ATP7B: variants seen among roughly 807,000 people sequenced by gnomAD.
ATP7B encodes the protein copper-transporting ATPase 2.
Under a neutral mutation model 118.9 loss-of-function variants are expected in ATP7B, and 113 were observed. The observed-to-expected ratio is 0.95, with a 90% CI of 0.82 to 1.11. The LOEUF (loss-of-function observed/expected upper bound fraction) is 1.11. ATP7B is among the 50% of genes most tolerant of loss of function. ATP7B has a pLI of 0.00. For missense variants in ATP7B, 1,867 were observed against 1,871.4 expected (o/e 1.00, Z 0.04); for synonymous variants, 777 against 727.4 (o/e 1.07, Z -1.10).
intron 16 of ATP7B, among the ~76,000 whole-genome samples, chr13:51,940,004 T>A (rs1240953421): frequency 6.4e-5 from 2 of 31,394 alleles, no homozygotes; most frequent in Non-Finnish European, 1.5e-4. Flanking sequence ...TGCAGTCTTT[T>A]TTTTTTTTTT....
chr13:51,991,739 C>T (rs1253297356), intron 1 of ATP7B, among the ~76,000 whole-genome samples: 1 of 152,174 alleles, frequency 6.6e-6, no homozygotes, highest in African/African-American at 2.4e-5. Flanking sequence ...GCTCACCATT[C>T]TGGGCCTGAA....
intron 1 of ATP7B, among the ~76,000 whole-genome samples, chr13:52,005,076 C>T (rs1002679610): frequency 4.8e-4 from 73 of 152,284 alleles, no homozygotes; most frequent in Non-Finnish European, 8.7e-4. Context: ...GACCTGCTGG[C>T]GGGGTATGGT....
At chr13:52,008,124 G>A (rs577200780) in intron 1 of ATP7B, among the ~76,000 whole-genome samples, 5 of 151,794 alleles carry the variant, frequency 3.3e-5, no homozygotes, top group African/African-American at 4.8e-5. Context: ...GGCGGATCAC[G>A]AGATCAAGAG....
chr13:51,997,259 A>G (rs534454430), intron 1 of ATP7B, among the ~76,000 whole-genome samples: 1 of 152,340 alleles, frequency 6.6e-6, no homozygotes, highest in South Asian at 2.1e-4. Flanking sequence ...TTTTTTAAAA[A>G]TTTTGTCATT....
At chr13:51,945,690 C>T (rs188687140) in intron 13 of ATP7B, among the ~76,000 whole-genome samples, 1 of 152,314 alleles carries the variant, frequency 6.6e-6, no homozygotes, top group African/African-American at 2.4e-5. Flanking sequence ...TCTGTCTTTC[C>T]CCCTGGTGGG....
chr13:51,956,557 G>T (rs1461969185), intron 9 of ATP7B, among the ~76,000 whole-genome samples: 1 of 152,170 alleles, frequency 6.6e-6, no homozygotes, highest in African/African-American at 2.4e-5. Context: ...TCCCACCAAC[G>T]GGGCAGGAGC....
Position 51,974,127 on chromosome 13 carries a change from T to C in ATP7B, c.1093A>G (p.Ile365Val). ...QGTCSTTLIA[I>V]AGMTCASCVH... ...CAGGATGCACAGGTCATGCCGGCAA[T>C]GGCAATCAGAGTGGTACTGCATGTG... is the stretch of plus-strand genomic sequence containing the variant. The change falls in exon 2 of 21, where the codon ATT becomes GTT. Residue 365 changes from isoleucine (I) to valine (V), a missense_variant. Ile to Val is a conservative substitution (Grantham distance 29, BLOSUM62 3). Coordinates refer to ENST00000242839, the MANE Select transcript of ATP7B (RefSeq NM_000053.4). 6.2e-7 allele frequency: 1 copy of C among 1,613,716 alleles called. No homozygotes were observed.
chr13:51,940,657 AAAAG>A (rs539061876), intron 16 of ATP7B, among the ~76,000 whole-genome samples: 86 of 152,218 alleles, frequency 5.6e-4, no homozygotes, highest in South Asian at 3.5e-3. Context: ...CTAAAAAAGA[AAAAG>A]AAAGTAATAA....
At chr13:51,967,880 C>T (rs747847304) in intron 4 of ATP7B, among the ~76,000 whole-genome samples, 5 of 152,172 alleles carry the variant, frequency 3.3e-5, no homozygotes, top group Admixed American at 6.5e-5. Flanking sequence ...TGTGTTGGCA[C>T]GTAGACAGAT....
chr13:51,961,477 T>C (rs997980167), intron 6 of ATP7B, among the ~76,000 whole-genome samples: 1 of 152,176 alleles, frequency 6.6e-6, no homozygotes, highest in East Asian at 1.9e-4. Context: ...AAAAAAAATC[T>C]ACACTCTCTC....
chr13:51,996,775 C>T (rs1400926459), intron 1 of ATP7B, among the ~76,000 whole-genome samples: 5 of 152,214 alleles, frequency 3.3e-5, no homozygotes, highest in African/African-American at 1.2e-4. Flanking sequence ...CCCCTTCGTG[C>T]CTGCTTTATC....
intron 17 of ATP7B, among the ~76,000 whole-genome samples, 180 bp downstream of exon 17, chr13:51,938,871 C>T (rs1438551735): frequency 6.6e-6 from 1 of 152,202 alleles, no homozygotes; most frequent in Admixed American, 6.5e-5. Flanking sequence ...GATCTTCGCA[C>T]AGCACCACAG....
In ATP7B at chr13:51,975,246, G is replaced by T. The variant is rs369509472; in HGVS notation, c.52-78C>A. ...AACATCCCAGCTTCTCTGGCACTGA[G>T]AAAATGGAAAACAATGCCACTGGTG... On this transcript the variant is annotated intron_variant, in intron 1 of 20. Coordinates refer to ENST00000242839, the MANE Select transcript of ATP7B (RefSeq NM_000053.4). 3.4e-5 allele frequency: 53 copies of T among 1,552,982 alleles called. No individual in the cohort carries two copies. The African/African-American group carries it at 6.1e-4, about 18-fold the overall frequency.
At position 51,975,045 on chromosome 13, in the gene ATP7B, T is replaced by TG. The variant is rs1057516561; in HGVS notation, c.174dup (p.Thr59HisfsTer19). The TG allele has an allele frequency of 6.2e-7, 1 of 1,614,244 alleles. No individual in the cohort carries two copies. Among genetic ancestry groups the TG allele is most frequent in the South Asian group, 1.1e-5 (1 of 91,090 alleles). ...ATGCCCAAGATCCTGACTGTGCTGG[T>TG]GGCCACCTGAGAAGAAGGGCCCAGG... On this transcript the variant is annotated frameshift_variant, in exon 2 of 21. Coordinates refer to ENST00000242839, the MANE Select transcript of ATP7B (RefSeq NM_000053.4). LOFTEE classifies it high-confidence loss of function.
intron 1 of ATP7B, among the ~76,000 whole-genome samples, chr13:51,980,985 C>G (rs1173402038): frequency 6.6e-6 from 1 of 152,132 alleles, no homozygotes; most frequent in Non-Finnish European, 1.5e-5. Context: ...CCAATAATAA[C>G]AAATAATTAA....
At chr13:51,969,309 A>C (rs1461661031) in intron 3 of ATP7B, among the ~76,000 whole-genome samples, 1 of 152,210 alleles carries the variant, frequency 6.6e-6, no homozygotes, top group East Asian at 1.9e-4. Context: ...CTGCAGGTCC[A>C]TCCAGCTCCC....
chr13:51,966,910 G>A (rs759632407), intron 4 of ATP7B: 674 of 1,612,964 alleles, frequency 4.2e-4, no homozygotes, highest in Non-Finnish European at 5.3e-4. Flanking sequence ...CACAAAAACC[G>A]AGAGCACTTT....
At chr13:51,970,467 T>C in intron 3 of ATP7B, 25 bp downstream of exon 3, 1 of 1,614,136 alleles carries the variant, frequency 6.2e-7, no homozygotes, top group Non-Finnish European at 8.5e-7. Context: ...CATTCCTAAG[T>C]TCAACATGGG....
In ATP7B at chr13:51,934,491, C is replaced by T; in HGVS notation, c.*265G>A. On this transcript the variant is annotated 3_prime_UTR_variant, in exon 21 of 21. Coordinates refer to ENST00000242839, the MANE Select transcript of ATP7B (RefSeq NM_000053.4). ...AGGGTGACTCGCCTCTCACCTTCTA[C>T]AGTCCAGCCAAGGACTAGAGTCCAA... is the stretch of plus-strand genomic sequence containing the variant. 1.9e-6 allele frequency: 1 copy of T among 539,690 alleles called. No individual in the cohort carries two copies. The highest frequency in any genetic ancestry group is 3.3e-6 in the Non-Finnish European group (1 of 299,100). 33.4% of individuals were successfully genotyped at this position (539,690 alleles called of 1,614,324 possible).
Sources: gnomAD v4.1 joint callset for allele counts (sites outside exome capture counted in the v4.1 genomes callset) on GRCh38, gnomAD v4.1.1 for gene constraint, MANE v1.5 for transcripts, NCBI Gene and HGNC (gene_info 2026-07-23, HGNC 2026-07-21) for gene names.